MDGA1: variants seen among roughly 807,000 people sequenced by gnomAD.
The protein encoded by MDGA1 is MAM domain-containing glycosylphosphatidylinositol anchor protein 1.
In MDGA1, 54 loss-of-function variants were observed where a neutral mutation model predicts 101.5. The observed-to-expected ratio is 0.53, with a 90% CI of 0.43 to 0.67. The LOEUF (loss-of-function observed/expected upper bound fraction) is 0.67, where lower values mean the gene tolerates loss of function less well. MDGA1 is among the 30% of genes least tolerant of loss of function. The pLI, the probability that MDGA1 is intolerant of heterozygous loss-of-function variation, is 0.00. For synonymous variants in MDGA1, 533 were observed against 558.3 expected (o/e 0.95, Z 0.64); for missense variants, 1,083 against 1,323.8 (o/e 0.82, Z 2.82).
intron 1 of MDGA1, among the ~76,000 whole-genome samples, chr6:37,693,370 T>C (rs982390060): frequency 2.0e-5 from 3 of 152,244 alleles, no homozygotes; most frequent in Non-Finnish European, 2.9e-5. Context: ...GTGTTGCTCT[T>C]GTCAAATTAT....
chr6:37,664,304 G>A lies in MDGA1; in HGVS notation c.68-198C>T, dbSNP rs75936696. 1,009 of 606,784 alleles carry A rather than the reference G, an allele frequency of 1.7e-3. 7 individuals carry two copies. Among genetic ancestry groups the A allele is most frequent in the African/African-American group, 0.015 (820 of 54,330 alleles). 37.6% of individuals were successfully genotyped at this position (606,784 alleles called of 1,614,324 possible). On this transcript the variant is annotated intron_variant, in intron 1 of 16. Transcript: ENST00000434837. ...CAGAACCAGGCGGGCCAGGAACTCAGGAAAGGGACAGTTCCCCAACCCCTT... is the reference window on the plus strand; with the variant it reads ...CAGAACCAGGCGGGCCAGGAACTCAAGAAAGGGACAGTTCCCCAACCCCTT...
chr6:37,667,769 A>G (rs1012713499), intron 1 of MDGA1, among the ~76,000 whole-genome samples: 4 of 152,216 alleles, frequency 2.6e-5, no homozygotes, highest in Non-Finnish European at 5.9e-5. Flanking sequence ...TTGTAATGAC[A>G]GAAGCTTTGG....
At chr6:37,668,059 T>G (rs1232826407) in intron 1 of MDGA1, among the ~76,000 whole-genome samples, 1 of 152,148 alleles carries the variant, frequency 6.6e-6, no homozygotes, top group Non-Finnish European at 1.5e-5. Context: ...TAGACCAGCC[T>G]GGGCAACATA....
chr6:37,656,530 A>G (rs998183220), intron 3 of MDGA1, among the ~76,000 whole-genome samples: 10 of 151,506 alleles, frequency 6.6e-5, no homozygotes, highest in African/African-American at 2.4e-4. Context: ...GCACCACCAC[A>G]CCTGGCTAAT....
Position 37,654,856 on chromosome 6 carries a change from C to G in MDGA1, c.656G>C (p.Arg219Pro), listed in dbSNP as rs1278827575. The part of the protein sequence containing the change: ...YASYTCQVSV[R>P]NVCGIPDKAI... ...CTTGTCTGGGATGCCGCACACGTTA[C>G]GCACAGACACCTGGCAGGTGTAGCT... The change falls in exon 5 of 17, where the codon CGT becomes CCT. Residue 219 changes from arginine (R) to proline (P), a missense_variant. Coordinates refer to ENST00000434837, the MANE Select transcript of MDGA1 (RefSeq NM_153487.4). 15 of 1,613,698 alleles carry G rather than the reference C, an allele frequency of 9.3e-6. No individual in the cohort carries two copies. The highest frequency in any genetic ancestry group is 1.3e-5 in the Non-Finnish European group (15 of 1,179,846).
Position 37,652,258 on chromosome 6 carries a change from T to A in MDGA1, c.1065A>T (p.Leu355=), listed in dbSNP as rs371150545. Residue 355 remains leucine, a synonymous_variant, in exon 7 of 17, where the codon CTA becomes CTT. Coordinates refer to ENST00000434837, the MANE Select transcript of MDGA1 (RefSeq NM_153487.4). This position sits in a 1 kb window ranked among gnomAD's most constrained non-coding sequence, Gnocchi z 4.3. ...ENIQLGQDLK[L]SCHVDAVPQE... ...GGGGCACTGCATCCACGTGGCACGATAGCTTCAGGTCCTGGCCCAGCTGGA... is the reference window on the plus strand; with the variant it reads ...GGGGCACTGCATCCACGTGGCACGAAAGCTTCAGGTCCTGGCCCAGCTGGA... 3.7e-4 allele frequency: 596 copies of A among 1,614,040 alleles called. 1 individual carries two copies. Among genetic ancestry groups the A allele is most frequent in the Non-Finnish European group, 4.7e-4 (557 of 1,179,892 alleles).
At chr6:37,669,885 A>G (rs545883880) in intron 1 of MDGA1, among the ~76,000 whole-genome samples, 2 of 152,364 alleles carry the variant, frequency 1.3e-5, no homozygotes, top group South Asian at 4.1e-4. Flanking sequence ...GGAGATGGAT[A>G]GCAAAAAAGG....
At chr6:37,667,995 A>G (rs1263207801) in intron 1 of MDGA1, among the ~76,000 whole-genome samples, 2 of 152,180 alleles carry the variant, frequency 1.3e-5, no homozygotes, top group African/African-American at 2.4e-5. Flanking sequence ...ACTCACTTAC[A>G]ATCCCAGCAC....
chr6:37,659,321 C>G (rs949363613), intron 2 of MDGA1, among the ~76,000 whole-genome samples: 1 of 152,140 alleles, frequency 6.6e-6, no homozygotes, highest in Admixed American at 6.5e-5. Flanking sequence ...GATTAATACA[C>G]CATGATACCC....
In MDGA1 at chr6:37,697,825, GC is replaced by G. The variant is rs1412672757; in HGVS notation, c.-1015del. ...CCGGGCCGGGCTCCGGGGCGCGGCG[GC>G]CGCTCGGCTCCGGGCCGCGGGAGCG... On this transcript the variant is annotated 5_prime_UTR_variant, in exon 1 of 17. Transcript: ENST00000434837. 7.4e-6 allele frequency: 1 copy of G among 135,906 alleles called. No individual in the cohort carries two copies. The highest frequency in any genetic ancestry group is 7.0e-5 in the Admixed American group (1 of 14,342). 8.4% of individuals were successfully genotyped at this position (135,906 alleles called of 1,614,324 possible). A position where few individuals can be genotyped will look rare whatever the true frequency, so the allele number is the denominator to read the frequency against.
intron 1 of MDGA1, among the ~76,000 whole-genome samples, chr6:37,694,573 T>A (rs1202283184): frequency 6.6e-6 from 1 of 152,144 alleles, no homozygotes; most frequent in African/African-American, 2.4e-5. Context: ...TCGACCTACT[T>A]CTTAAGCCAG....
chr6:37,654,579 G>A, intron 5 of MDGA1, 36 bp from the exon 6 acceptor site: 4 of 1,613,858 alleles, frequency 2.5e-6, no homozygotes, highest in Non-Finnish European at 3.4e-6. Flanking sequence ...AGGGGACTGT[G>A]AGGCAGGGCT....
intron 1 of MDGA1, among the ~76,000 whole-genome samples, chr6:37,677,127 C>T (rs1761997560): frequency 6.6e-6 from 1 of 152,118 alleles, no homozygotes; most frequent in South Asian, 2.1e-4. Context: ...CCGAACGACC[C>T]AAGTATGGCT....
Position 37,697,140 on chromosome 6 carries a change from C to T in MDGA1, c.-329G>A. On this transcript the variant is annotated 5_prime_UTR_variant, in exon 1 of 17. Coordinates refer to ENST00000434837, the MANE Select transcript of MDGA1 (RefSeq NM_153487.4). ...TACCCAGGGCCGTCCGCGCGGGATG[C>T]TAGGCGCCGGGGACCTCTCGGCGGC... is the stretch of plus-strand genomic sequence containing the variant. 1 of 244,680 alleles carries T rather than the reference C, an allele frequency of 4.1e-6. No individual in the cohort carries two copies. Among genetic ancestry groups the T allele is most frequent in the Non-Finnish European group, 7.7e-6 (1 of 130,064 alleles). 15.2% of individuals were successfully genotyped at this position (244,680 alleles called of 1,614,324 possible).
intron 14 of MDGA1, among the ~76,000 whole-genome samples, chr6:37,642,468 G>A (rs9462339): frequency 0.54 from 82,045 of 151,812 alleles, 23,105 homozygotes; most frequent in South Asian, 0.7. Context: ...CACCTCACCC[G>A]GCCATATGTA....
At chr6:37,674,253 G>A (rs972558296) in intron 1 of MDGA1, among the ~76,000 whole-genome samples, 4 of 152,316 alleles carry the variant, frequency 2.6e-5, no homozygotes, top group East Asian at 1.9e-4. Flanking sequence ...TCTGACCTCC[G>A]GGTACAAGGG....
At chr6:37,694,956 T>A (rs1267114390) in intron 1 of MDGA1, among the ~76,000 whole-genome samples, 2 of 151,528 alleles carry the variant, frequency 1.3e-5, no homozygotes, top group African/African-American at 4.9e-5. Context: ...GAAATGAGGG[T>A]CCACAGAGAC....
chr6:37,644,819 C>T (rs1288407691), intron 12 of MDGA1, among the ~76,000 whole-genome samples, 170 bp from the exon 13 acceptor site: 1 of 152,246 alleles, frequency 6.6e-6, no homozygotes, highest in African/African-American at 2.4e-5. Context: ...CTTGCCATAA[C>T]AAGACTTCTT....
At chr6:37,695,876 A>G (rs1762406726) in intron 1 of MDGA1, among the ~76,000 whole-genome samples, 1 of 152,226 alleles carries the variant, frequency 6.6e-6, no homozygotes, top group Non-Finnish European at 1.5e-5. Context: ...GCACTGCGGG[A>G]GGCTGAGCCC....
Sources: gnomAD v4.1 joint callset for allele counts (sites outside exome capture counted in the v4.1 genomes callset) on GRCh38, gnomAD v4.1.1 for gene constraint, Gnocchi (gnomAD v3.1) non-coding constraint, MANE v1.5 for transcripts, NCBI Gene and HGNC (gene_info 2026-07-23, HGNC 2026-07-21) for gene names.